GRTP1: variants seen among roughly 807,000 people sequenced by gnomAD.
The protein encoded by GRTP1 is growth hormone-regulated TBC protein 1.
A neutral mutation model predicts 38.1 loss-of-function variants in GRTP1; 56 were observed. That is an observed-to-expected ratio of 1.47 (90% confidence interval 1.19 to 1.84). The LOEUF (loss-of-function observed/expected upper bound fraction) is 1.84. Ranked by LOEUF, GRTP1 falls within the 40% of genes most tolerant of loss-of-function variation. The probability of loss-of-function intolerance (pLI) is 0.00; values close to 1 mark genes in which losing one functional copy is unlikely to be tolerated. For synonymous variants in GRTP1, 217 were observed against 189.5 expected, an observed-to-expected ratio of 1.14 and a Z score of -1.19; for missense variants, 506 against 453.9, an observed-to-expected ratio of 1.11 and a Z score of -1.04.
In GRTP1 at chr13:113,363,840, A is replaced by C. The variant is rs1302923408; in HGVS notation, c.103T>G (p.Tyr35Asp). The C allele has an allele frequency of 6.2e-6, 10 of 1,611,802 alleles. No homozygotes were observed. Among genetic ancestry groups the C allele is most frequent in the Non-Finnish European group, 8.5e-6 (10 of 1,179,570 alleles). ...DAAYEKFFSS[Y>D]LVTLTRRAIK... ...GCCCTGCGGGTGAGCGTGACCAGGT[A>C]GCTGGAGAAAAACTTCTCGTAGGCG... The change falls in exon 2 of 8, where the codon TAC (tyrosine) becomes GAC (aspartate). Residue 35 changes from tyrosine (Y) to aspartate (D), a missense_variant. Coordinates refer to ENST00000375431, the MANE Select transcript of GRTP1 (RefSeq NM_024719.4).
At chr13:113,345,050 C>T (rs2043080811) in intron 4 of GRTP1, 91 bp from the exon 5 acceptor site, 13 of 1,423,846 alleles carry the variant, frequency 9.1e-6, no homozygotes, top group Non-Finnish European at 1.1e-5. Context: ...ACCCAGTTTC[C>T]ATTTCTCTTG....
chr13:113,326,860 G>T (rs2042782429), intron 5 of GRTP1, among the ~76,000 whole-genome samples: 1 of 152,184 alleles, frequency 6.6e-6, no homozygotes, highest in African/African-American at 2.4e-5. Context: ...CCTTAGAAAG[G>T]GAGGAAGTCA....
rs905250197 is a variant in GRTP1, at chr13:113,343,559, G to C, written c.562+1304C>G. Among the ~76,000 whole-genome samples, 1 of 152,232 alleles carries C rather than the reference G, an allele frequency of 6.6e-6. No individual in the cohort carries two copies. Among genetic ancestry groups the C allele is most frequent in the Non-Finnish European group, 1.5e-5 (1 of 68,036 alleles). Reference sequence around the variant, plus strand: ...CACACTATGGTCTGTGAGTCACACAGCCAGGATCTGAACCAGGCTCTGCCA... The same window carrying C: ...CACACTATGGTCTGTGAGTCACACACCCAGGATCTGAACCAGGCTCTGCCA... On this transcript the variant is annotated intron_variant, in intron 5 of 7. Coordinates refer to ENST00000375431, the MANE Select transcript of GRTP1 (RefSeq NM_024719.4). This position sits in a 1 kb window ranked among gnomAD's most constrained non-coding sequence, Gnocchi z 4.8.
intron 5 of GRTP1, among the ~76,000 whole-genome samples, chr13:113,330,023 ACATGGAAACCCAGGTGCCTG>A (rs2042834622): frequency 3.1e-5 from 2 of 65,036 alleles, no homozygotes; most frequent in South Asian, 5.6e-4. Context: ...CCAGGTGCGT[ACATGGAAACCCAGGTGCCTG>A]CATGGAAACC....
chr13:113,363,734 G>T (rs779112895), intron 2 of GRTP1, 28 bp downstream of exon 2: 3 of 1,589,092 alleles, frequency 1.9e-6, no homozygotes, highest in East Asian at 2.3e-5. Context: ...CTGCGCCCTC[G>T]GGACCCACCT....
At chr13:113,334,300 C>A (rs974468241) in intron 5 of GRTP1, among the ~76,000 whole-genome samples, 1 of 152,074 alleles carries the variant, frequency 6.6e-6, no homozygotes, top group Non-Finnish European at 1.5e-5. Context: ...GCCCACCCTG[C>A]ACTGCTACGA....
intron 5 of GRTP1, among the ~76,000 whole-genome samples, chr13:113,331,792 A>C (rs1467805941): frequency 2.0e-5 from 3 of 149,908 alleles, no homozygotes; most frequent in African/African-American, 7.4e-5. Context: ...AGTAGCTGGG[A>C]TCACAGGCAT....
intron 5 of GRTP1, among the ~76,000 whole-genome samples, chr13:113,333,855 G>T (rs2042914641): frequency 1.5e-5 from 2 of 132,532 alleles, no homozygotes; most frequent in African/African-American, 2.8e-5. Context: ...GTGTGTGTGT[G>T]TGTGTGTGTG....
In GRTP1 at chr13:113,346,717, C is replaced by T. The variant is rs1244787984; in HGVS notation, c.466-1758G>A. Among the ~76,000 whole-genome samples the T allele has an allele frequency of 2.0e-3, 2 of 1,012 alleles. 1 individual carries two copies. The highest frequency in any genetic ancestry group is 0.011 in the African/African-American group (2 of 174). The allele number at this position is 1,012 out of a possible 152,430, so 0.7% of individuals were successfully genotyped here. A position where few individuals can be genotyped will look rare whatever the true frequency, so the allele number is the denominator to read the frequency against. ...GTGGCAGAGAGCAGACCCGGGAGGA[C>T]CTCTGTGGCTGAGAGCGGACCCGGG... On this transcript the variant is annotated intron_variant, in intron 4 of 7. Coordinates refer to ENST00000375431, the MANE Select transcript of GRTP1 (RefSeq NM_024719.4).
chr13:113,337,299 TAATA>T (rs948029599), intron 5 of GRTP1, among the ~76,000 whole-genome samples: 3 of 152,218 alleles, frequency 2.0e-5, no homozygotes, highest in South Asian at 2.1e-4. Context: ...ATCCAATAAA[TAATA>T]AATAAATAAA....
Position 113,342,693 on chromosome 13 carries a change from G to A in GRTP1, c.562+2170C>T, listed in dbSNP as rs548372280. 1.3e-5 allele frequency among the ~76,000 whole-genome samples: 2 copies of A among 152,152 alleles called. No individual in the cohort carries two copies. Among genetic ancestry groups the A allele is most frequent in the East Asian group, 1.9e-4 (1 of 5,186 alleles). On this transcript the variant is annotated intron_variant, in intron 5 of 7. Coordinates refer to ENST00000375431, the MANE Select transcript of GRTP1 (RefSeq NM_024719.4). The surrounding 1 kb of genome is among the most constrained non-coding windows in gnomAD (Gnocchi z 4.5). ...CTGTGGCACTGAAACGACCTACTTC[G>A]GTCACTGTAACTTAGAGAAGGACAT...
intron 5 of GRTP1, among the ~76,000 whole-genome samples, chr13:113,332,758 A>G (rs913624137): frequency 5.3e-5 from 8 of 152,272 alleles, no homozygotes; most frequent in Non-Finnish European, 7.3e-5. Context: ...GGTCTGGGGC[A>G]GAAGGCCCAT....
intron 5 of GRTP1, among the ~76,000 whole-genome samples, chr13:113,335,106 G>GT (rs5806978): frequency 0.98 from 148,505 of 152,168 alleles, 72,571 homozygotes; most frequent in East Asian, 1. Flanking sequence ...ACAGGCATGA[G>GT]CACCATGCCT....
At position 113,325,750 on chromosome 13, in the gene GRTP1, A is replaced by G. The variant is rs374309242; in HGVS notation, c.832T>C (p.Leu278=). Residue 278 remains leucine, a synonymous_variant, in exon 7 of 8, where the codon TTG becomes CTG. Coordinates refer to ENST00000375431, the MANE Select transcript of GRTP1 (RefSeq NM_024719.4). ...ATGTCTGGAACGCTGGTGGCTTCCA[A>G]AATCAACTCCTGGTGCTGCTTAATT... ...TLIKQHQELI[L]EATSVPDICD... is the part of the protein sequence containing the mutation. 1.9e-6 allele frequency: 3 copies of G among 1,614,064 alleles called. No individual in the cohort carries two copies. The highest frequency in any genetic ancestry group is 2.5e-6 in the Non-Finnish European group (3 of 1,180,024).
chr13:113,345,049 C>A, intron 4 of GRTP1, 90 bp from the exon 5 acceptor site: 2 of 1,431,190 alleles, frequency 1.4e-6, no homozygotes, highest in South Asian at 1.4e-5. Flanking sequence ...TACCCAGTTT[C>A]CATTTCTCTT....
At chr13:113,357,111 A>G (rs2043405321) in intron 2 of GRTP1, among the ~76,000 whole-genome samples, 2 of 151,468 alleles carry the variant, frequency 1.3e-5, no homozygotes, top group Non-Finnish European at 3.0e-5. Flanking sequence ...AGAGATCGAG[A>G]CCATCCTGGC....
intron 3 of GRTP1, among the ~76,000 whole-genome samples, chr13:113,353,286 G>A (rs556434561): frequency 6.6e-6 from 1 of 152,362 alleles, no homozygotes; most frequent in East Asian, 1.9e-4. Context: ...GCTGAAAGCA[G>A]GGACCCAGCA....
Position 113,348,384 on chromosome 13 carries a change from G to A in GRTP1, c.465+2465C>T, listed in dbSNP as rs2043205919. ...GAAAATCGCTTGAGCAAAGGAGGTT[G>A]AGGCTGCAGTGAGCCGAGATCACGC... is the stretch of plus-strand genomic sequence containing the variant. On this transcript the variant is annotated intron_variant, in intron 4 of 7. Transcript: ENST00000375431. This position sits in a 1 kb window ranked among gnomAD's most constrained non-coding sequence, Gnocchi z 4.8. Among the ~76,000 whole-genome samples, 1 of 152,154 alleles carries A rather than the reference G, an allele frequency of 6.6e-6. No homozygotes were observed. The highest frequency in any genetic ancestry group is 1.5e-5 in the Non-Finnish European group (1 of 68,040).
At chr13:113,332,380 A>AGTG (rs2042888505) in intron 5 of GRTP1, among the ~76,000 whole-genome samples, 1 of 4,640 alleles carries the variant, frequency 2.2e-4, no homozygotes, top group Non-Finnish European at 9.0e-4. Context: ...CACACCACAC[A>AGTG]CGCACACGCA....
Sources: allele counts gnomAD v4.1 joint callset (sites outside exome capture counted in the v4.1 genomes callset), GRCh38; gene constraint gnomAD v4.1.1; non-coding constraint Gnocchi (gnomAD v3.1); transcripts MANE v1.5; gene names NCBI Gene and HGNC (gene_info 2026-07-23, HGNC 2026-07-21).